The following LUC7L2 variants were observed in gnomAD, a reference collection of about 807,000 sequenced individuals.
LUC7L2 encodes LUC7 like 2, pre-mRNA splicing factor.
In LUC7L2, 25 loss-of-function variants were observed where a neutral mutation model predicts 52.8. The ratio of observed to expected loss-of-function variants is 0.47; its 90% CI spans 0.34 to 0.66. LUC7L2 has a LOEUF of 0.66. Among genes scored for constraint, LUC7L2 ranks in the 30% least tolerant of loss-of-function variants. The pLI is 0.01. For synonymous variants in LUC7L2, 144 were observed against 160.9 expected, an observed-to-expected ratio of 0.89 and a Z score of 0.80; for missense variants, 328 against 497.8, an observed-to-expected ratio of 0.66 and a Z score of 3.25.
chr7:139,375,597 G>A, intron 1 of LUC7L2: 1 of 985,932 alleles, frequency 1.0e-6, no homozygotes, highest in Non-Finnish European at 1.2e-6. Flanking sequence ...TGCAATGTTT[G>A]CAAGATTATT....
intron 7 of LUC7L2, 47 bp downstream of exon 7, chr7:139,409,701 TA>T: frequency 6.6e-7 from 1 of 1,518,508 alleles, no homozygotes; most frequent in South Asian, 1.3e-5. Context: ...TCTGTGGTTC[TA>T]AAAAGAGATA....
intron 1 of LUC7L2, among the ~76,000 whole-genome samples, chr7:139,354,083 T>C (rs944860782): frequency 1.5e-4 from 23 of 151,008 alleles, no homozygotes; most frequent in African/African-American, 4.4e-4. Context: ...GCCACTGCAC[T>C]CCAGCCTGGG....
upstream of LUC7L2, among the ~76,000 whole-genome samples, chr7:139,357,336 ATTCACTCCTCAAT>A (rs768468278): frequency 2.6e-5 from 4 of 152,046 alleles, no homozygotes; most frequent in Admixed American, 1.3e-4. Context: ...ACATCACTTA[ATTCACTCCTCAAT>A]TTCACTCCTC....
intron 2 of LUC7L2, among the ~76,000 whole-genome samples, chr7:139,377,292 C>G (rs1800762417): frequency 1.3e-5 from 2 of 152,196 alleles, no homozygotes; most frequent in African/African-American, 4.8e-5. Context: ...GCTACCTCCA[C>G]TGCCTGGCTT....
At chr7:139,414,636 T>C (rs1008669686) in intron 8 of LUC7L2, among the ~76,000 whole-genome samples, 1 of 152,250 alleles carries the variant, frequency 6.6e-6, no homozygotes, top group Non-Finnish European at 1.5e-5. Flanking sequence ...AAGACCCTGA[T>C]ATTACTTCCT....
At chr7:139,386,521 C>T (rs551864267) in intron 2 of LUC7L2, among the ~76,000 whole-genome samples, 2 of 150,798 alleles carry the variant, frequency 1.3e-5, no homozygotes, top group Non-Finnish European at 2.9e-5. Context: ...TCTCCTGGCT[C>T]AGCCTCCCTA....
At chr7:139,369,413 C>T (rs1800329118) in intron 1 of LUC7L2, among the ~76,000 whole-genome samples, 1 of 152,082 alleles carries the variant, frequency 6.6e-6, no homozygotes, top group Non-Finnish European at 1.5e-5. Context: ...TGATAGATTT[C>T]CTAAAGCACA....
intron 1 of LUC7L2, among the ~76,000 whole-genome samples, chr7:139,368,207 T>C (rs1800262213): frequency 6.6e-6 from 1 of 152,220 alleles, no homozygotes; most frequent in African/African-American, 2.4e-5. Flanking sequence ...TTGCTTTAGT[T>C]ATATCTTTAT....
intron 4 of LUC7L2, 98 bp from the exon 5 acceptor site, chr7:139,405,546 C>A: frequency 1.4e-6 from 2 of 1,404,194 alleles, no homozygotes; most frequent in South Asian, 3.1e-5. Flanking sequence ...CACATACTGC[C>A]TTAGATAACA....
intron 4 of LUC7L2, among the ~76,000 whole-genome samples, chr7:139,403,282 G>C (rs565947197): frequency 6.6e-6 from 1 of 152,008 alleles, no homozygotes; most frequent in Non-Finnish European, 1.5e-5. Flanking sequence ...TTATAGAGTC[G>C]ATTTATTAGA....
chr7:139,399,915 A>G (rs1291900902), intron 3 of LUC7L2, among the ~76,000 whole-genome samples: 4 of 139,896 alleles, frequency 2.9e-5, no homozygotes, highest in Non-Finnish European at 4.6e-5. Flanking sequence ...TTTTTTGCAT[A>G]TATATAATCA....
chr7:139,359,690 G>C (rs984415826), upstream of LUC7L2: 2 of 397,872 alleles, frequency 5.0e-6, no homozygotes, highest in East Asian at 3.6e-5. Flanking sequence ...AAGGTTTGGC[G>C]CCTCGGGGCG....
At position 139,422,443 on chromosome 7, in the gene LUC7L2, G is replaced by T. The variant is rs750457487; in HGVS notation, c.*103G>T. 1.1e-5 allele frequency: 16 copies of T among 1,486,414 alleles called. No homozygotes were observed. The highest frequency in any genetic ancestry group is 1.4e-5 in the Non-Finnish European group (16 of 1,120,048). The allele number at this position is 1,486,414 out of a possible 1,614,324, so 92.1% of individuals were successfully genotyped here. A position where few individuals can be genotyped will look rare whatever the true frequency, so the allele number is the denominator to read the frequency against. On this transcript the variant is annotated 3_prime_UTR_variant, in exon 10 of 10. Transcript: ENST00000354926. ...TGACAGTGAGCAGATCCAGACACCA[G>T]ATCCAGCTAGGCTAGATGTACAGTA...
At chr7:139,367,534 A>G (rs1800225126) in intron 1 of LUC7L2, among the ~76,000 whole-genome samples, 1 of 152,188 alleles carries the variant, frequency 6.6e-6, no homozygotes, top group African/African-American at 2.4e-5. Flanking sequence ...GTGATTAATA[A>G]TTTCCTTACT....
chr7:139,384,771 G>T (rs1794117484), intron 2 of LUC7L2, among the ~76,000 whole-genome samples: 1 of 151,272 alleles, frequency 6.6e-6, no homozygotes, highest in African/African-American at 2.4e-5. Context: ...AGAGTTGGGG[G>T]TCTCACTGTG....
intron 1 of LUC7L2, chr7:139,375,068 A>G (rs547900889): frequency 2.0e-6 from 2 of 983,488 alleles, no homozygotes; most frequent in Non-Finnish European, 1.2e-6. Flanking sequence ...TAAAACACCT[A>G]CATTTCTTAG....
intron 5 of LUC7L2, among the ~76,000 whole-genome samples, chr7:139,406,737 T>C (rs1030027835): frequency 6.6e-6 from 1 of 152,198 alleles, no homozygotes; most frequent in Non-Finnish European, 1.5e-5. Context: ...TTTATTGATA[T>C]AAAGTTGTTC....
chr7:139,359,674 T>TA (rs1799751676), upstream of LUC7L2: 2 of 397,512 alleles, frequency 5.0e-6, no homozygotes, highest in African/African-American at 2.1e-5. Flanking sequence ...GGAGGGAATG[T>TA]AATGTAAGGT....
chr7:139,421,493 T>C (rs921349143), intron 9 of LUC7L2, among the ~76,000 whole-genome samples: 8 of 152,250 alleles, frequency 5.3e-5, no homozygotes, highest in East Asian at 1.9e-4. Flanking sequence ...TAAACAGTTA[T>C]GGCTAATCAA....
Sources: allele counts gnomAD v4.1 joint callset (sites outside exome capture counted in the v4.1 genomes callset), GRCh38; gene constraint gnomAD v4.1.1; transcripts MANE v1.5; gene names NCBI Gene and HGNC (gene_info 2026-07-23, HGNC 2026-07-21).